The following MAML2 variants were observed in gnomAD, a reference collection of about 807,000 sequenced individuals.
MAML2 encodes mastermind-like protein 2.
MAML2 carries 22 observed loss-of-function variants against 96.1 expected under a neutral mutation model. The observed-to-expected ratio is 0.23, with a 90% CI of 0.16 to 0.33. The LOEUF (loss-of-function observed/expected upper bound fraction) is 0.33. Ranked by LOEUF, MAML2 falls within the 10% of genes least tolerant of loss-of-function variation. The pLI is 1.00. For synonymous variants in MAML2, 561 were observed against 521.3 expected, an observed-to-expected ratio of 1.08 and a Z score of -1.04; for missense variants, 1,367 against 1,392.4, an observed-to-expected ratio of 0.98 and a Z score of 0.29.
chr11:96,193,060 C>T (rs966428015), intron 1 of MAML2, among the ~76,000 whole-genome samples: 4 of 152,230 alleles, frequency 2.6e-5, no homozygotes, highest in African/African-American at 9.6e-5. Context: ...CTCTTGCCAT[C>T]TTCCACTGAT....
chr11:96,287,412 T>C (rs1863155309), intron 1 of MAML2, among the ~76,000 whole-genome samples: 1 of 152,214 alleles, frequency 6.6e-6, no homozygotes, highest in African/African-American at 2.4e-5. Flanking sequence ...TATCCTTGCA[T>C]GGTATAACTT....
intron 1 of MAML2, among the ~76,000 whole-genome samples, chr11:96,189,268 T>A (rs1003084009): frequency 2.0e-5 from 3 of 152,242 alleles, no homozygotes; most frequent in Admixed American, 6.5e-5. Context: ...CTGACTTCTC[T>A]GAACAATTTT....
intron 2 of MAML2, among the ~76,000 whole-genome samples, chr11:96,074,193 T>C (rs186014014): frequency 5.3e-5 from 8 of 152,362 alleles, no homozygotes; most frequent in Admixed American, 5.2e-4. Context: ...CATTTCATTG[T>C]ATTTTTAGGG....
chr11:96,016,022 G>A (rs576618518), intron 2 of MAML2, among the ~76,000 whole-genome samples: 17 of 152,154 alleles, frequency 1.1e-4, no homozygotes, highest in Non-Finnish European at 2.2e-4. Flanking sequence ...CATAAAAGAC[G>A]TATTTGGGGC....
At chr11:96,107,556 A>G (rs1239470321) in intron 1 of MAML2, among the ~76,000 whole-genome samples, 1 of 152,128 alleles carries the variant, frequency 6.6e-6, no homozygotes, top group South Asian at 2.1e-4. Flanking sequence ...CTCTAACATG[A>G]TAAGTGTTTC....
At chr11:96,189,250 G>A (rs1861618821) in intron 1 of MAML2, among the ~76,000 whole-genome samples, 2 of 152,048 alleles carry the variant, frequency 1.3e-5, no homozygotes, top group Non-Finnish European at 1.5e-5. Flanking sequence ...TAGCCAATAG[G>A]ACCTAATCTG....
In MAML2 at chr11:95,979,483, A is replaced by G. The variant is rs1248258775; in HGVS notation, c.2936T>C (p.Leu979Pro). The change falls in exon 5 of 5, where the codon CTG becomes CCG. Residue 979 changes from leucine to proline, a missense_variant. Leu to Pro is a moderately conservative substitution (Grantham distance 98). Transcript: ENST00000524717. ...GGGGAAGCGGACTCCTGCAGACGTCAGGGCTTCTTGCTGTTTGCTTGTTCC... is the reference window on the plus strand; with the variant it reads ...GGGGAAGCGGACTCCTGCAGACGTCGGGGCTTCTTGCTGTTTGCTTGTTCC... ...QEGTSKQQEA[L>P]TSAGVRFPTG... The G allele has an allele frequency of 6.2e-7, 1 of 1,613,430 alleles. No individual in the cohort carries two copies. The highest frequency in any genetic ancestry group is 8.5e-7 in the Non-Finnish European group (1 of 1,179,744).
Position 96,341,807 on chromosome 11 carries a change from G to A in MAML2, c.89C>T (p.Pro30Leu), listed in dbSNP as rs747668061. The part of the protein sequence containing the change: ...AGLLGGGSVT[P>L]RVHSAIVERL... ...CTCCACGATAGCACTGTGCACTCTC[G>A]GGGTGACTGAGCCCCCTCCAAGGAG... The change falls in exon 1 of 5, where the codon CCG becomes CTG. Residue 30 changes from proline (P) to leucine (L), a missense_variant. Coordinates refer to ENST00000524717, the MANE Select transcript of MAML2 (RefSeq NM_032427.4). The A allele has an allele frequency of 1.7e-5, 27 of 1,602,190 alleles. No individual in the cohort carries two copies. The highest frequency in any genetic ancestry group is 1.6e-4 in the Middle Eastern group (1 of 6,078).
At chr11:95,994,279 A>T (rs953675772) in intron 2 of MAML2, among the ~76,000 whole-genome samples, 1 of 152,174 alleles carries the variant, frequency 6.6e-6, no homozygotes, top group East Asian at 1.9e-4. Context: ...TCTGAGGTAC[A>T]TCCTTTGAGC....
intron 2 of MAML2, among the ~76,000 whole-genome samples, chr11:96,025,219 T>TA (rs1430311569): frequency 6.6e-6 from 1 of 151,886 alleles, no homozygotes. Context: ...CCCACAGCCA[T>TA]AAAAAAGAAA....
At chr11:95,994,415 C>T (rs1183399136) in intron 2 of MAML2, among the ~76,000 whole-genome samples, 1 of 152,104 alleles carries the variant, frequency 6.6e-6, no homozygotes, top group Non-Finnish European at 1.5e-5. Context: ...AGAATGTGGA[C>T]TTGGAGACAA....
chr11:96,307,624 C>A (rs1863482610), intron 1 of MAML2, among the ~76,000 whole-genome samples: 1 of 152,178 alleles, frequency 6.6e-6, no homozygotes, highest in Non-Finnish European at 1.5e-5. Flanking sequence ...CAGCTGCTTT[C>A]TCCAAGGGAA....
At chr11:95,997,437 A>G (rs7110427) in intron 2 of MAML2, among the ~76,000 whole-genome samples, 31,569 of 152,110 alleles carry the variant, frequency 0.21, 3,499 homozygotes, top group East Asian at 0.39. Context: ...CTGCCAGACC[A>G]ATGAAAACAT....
chr11:96,259,148 A>T (rs979059065), intron 1 of MAML2, among the ~76,000 whole-genome samples: 14 of 150,686 alleles, frequency 9.3e-5, no homozygotes, highest in Non-Finnish European at 1.5e-4. Context: ...ACAACCACAG[A>T]CTCTTCTTCC....
At chr11:96,097,305 C>T (rs1442100677) in intron 1 of MAML2, among the ~76,000 whole-genome samples, 1 of 151,970 alleles carries the variant, frequency 6.6e-6, no homozygotes, top group African/African-American at 2.4e-5. Flanking sequence ...GGGAACAAGA[C>T]CTAACCAGGG....
intron 2 of MAML2, among the ~76,000 whole-genome samples, chr11:96,023,112 C>A (rs1011679260): frequency 6.6e-6 from 1 of 152,196 alleles, no homozygotes; most frequent in Non-Finnish European, 1.5e-5. Context: ...GAGGATGAAG[C>A]CCCTCTGCAG....
rs148791045 is a variant in MAML2, at chr11:96,183,293, C to T, written c.514-89776G>A. On this transcript the variant is annotated intron_variant, in intron 1 of 4. Transcript: ENST00000524717. ...ATGTCTATACATGTTCTATATTCAG[C>T]ATATTTGCTTATATTTTCCAAAGTC... is the stretch of plus-strand genomic sequence containing the variant. Among the ~76,000 whole-genome samples the T allele has an allele frequency of 4.4e-3, 673 of 151,440 alleles. 4 individuals carry two copies. Among genetic ancestry groups the T allele is most frequent in the Middle Eastern group, 0.01 (3 of 294 alleles).
intron 1 of MAML2, among the ~76,000 whole-genome samples, chr11:96,265,790 C>T (rs548698192): frequency 1.3e-5 from 2 of 152,302 alleles, no homozygotes; most frequent in Non-Finnish European, 2.9e-5. Flanking sequence ...GAGGAGCGCT[C>T]GGCCCCCAAG....
At chr11:96,285,347 T>C (rs2135988333) in intron 1 of MAML2, among the ~76,000 whole-genome samples, 1 of 152,216 alleles carries the variant, frequency 6.6e-6, no homozygotes, top group South Asian at 2.1e-4. Context: ...AAGACTTAAA[T>C]GTAAAATCCC....
Sources: allele counts gnomAD v4.1 joint callset (sites outside exome capture counted in the v4.1 genomes callset), GRCh38; gene constraint gnomAD v4.1.1; transcripts MANE v1.5; gene names NCBI Gene and HGNC (gene_info 2026-07-23, HGNC 2026-07-21).